The following ARPC5L variants were observed in gnomAD, a reference collection of about 807,000 sequenced individuals.
The protein encoded by ARPC5L is actin related protein 2/3 complex subunit 5 like, also known as actin-related protein 2/3 complex subunit 5-like protein.
In ARPC5L, 4 loss-of-function variants were observed where a neutral mutation model predicts 16.9. That is an observed-to-expected ratio of 0.24 (90% CI 0.12 to 0.54). The LOEUF (loss-of-function observed/expected upper bound fraction) is 0.54, where lower values mean the gene tolerates loss of function less well. ARPC5L is among the 20% of genes least tolerant of loss of function. The probability of loss-of-function intolerance (pLI) is 0.95; values close to 1 mark genes in which losing one functional copy is unlikely to be tolerated. For synonymous variants in ARPC5L, 78 were observed against 82.6 expected (o/e 0.94, Z 0.30); for missense variants, 151 against 201.9 (o/e 0.75, Z 1.53).
chr9:124,877,417 A>G lies in ARPC5L; in HGVS notation c.*477A>G, dbSNP rs929313433. On this transcript the variant is annotated 3_prime_UTR_variant, in exon 6 of 6. Transcript: ENST00000353214. ...AAGCTCTTGGCTTATTAGTCTATAC[A>G]TTGCGGTGTGTTTCGTGTATGTAAA... The G allele has an allele frequency of 6.5e-6, 1 of 154,652 alleles. No homozygotes were observed. The highest frequency in any genetic ancestry group is 2.4e-5 in the African/African-American group (1 of 41,470). The allele number at this position is 154,652 out of a possible 1,614,324, so 9.6% of individuals were successfully genotyped here.
chr9:124,874,885 T>G, intron 4 of ARPC5L, 90 bp from the exon 5 acceptor site: 1 of 1,508,018 alleles, frequency 6.6e-7, no homozygotes, highest in Non-Finnish European at 9.2e-7. Flanking sequence ...GGGCAGTGTT[T>G]CTGGTGATCT....
rs759657821 is a variant in ARPC5L, at chr9:124,875,169, C to T, written c.399+18C>T. On this transcript the variant is annotated intron_variant, in intron 5 of 5. Transcript: ENST00000353214. ...ACGAAAAGGTATGTGAACGCTGCCA[C>T]GCGCCCCAGTGAGCCACCTGGCTTG... 1.3e-5 allele frequency: 21 copies of T among 1,606,930 alleles called. No individual in the cohort carries two copies. Among genetic ancestry groups the T allele is most frequent in the Admixed American group, 6.7e-5 (4 of 59,538 alleles).
intron 3 of ARPC5L, chr9:124,873,179 A>T (rs947409173): frequency 6.5e-6 from 1 of 153,038 alleles, no homozygotes; most frequent in Non-Finnish European, 1.5e-5. Context: ...TTTCCAGGTA[A>T]CAGTTGGGAC....
chr9:124,870,360 A>T (rs950438606), intron 3 of ARPC5L, among the ~76,000 whole-genome samples: 4 of 152,042 alleles, frequency 2.6e-5, no homozygotes, highest in Non-Finnish European at 4.4e-5. Context: ...TTCTCACCGG[A>T]AGGATTTTTC....
intron 1 of ARPC5L, among the ~76,000 whole-genome samples, chr9:124,862,817 C>A (rs1396383941): frequency 6.6e-6 from 1 of 151,994 alleles, no homozygotes; most frequent in Non-Finnish European, 1.5e-5. Context: ...TGAGCCACCA[C>A]GCCTGGCCCC....
rs188194373 is a variant in ARPC5L, at chr9:124,863,200, G to T, written c.-983-788G>T. ...GATGGAGTCTGGCTCTGTCGCCTAGGCTGGAGTGCAGTGGCGCGATCTCGG... is the reference window on the plus strand; with the variant it reads ...GATGGAGTCTGGCTCTGTCGCCTAGTCTGGAGTGCAGTGGCGCGATCTCGG... On this transcript the variant is annotated intron_variant, in intron 1 of 5. Transcript: ENST00000353214. 2.6e-5 allele frequency among the ~76,000 whole-genome samples: 4 copies of T among 152,016 alleles called. No homozygotes were observed. The East Asian group carries it at 7.7e-4, about 29-fold the overall frequency.
intron 3 of ARPC5L, among the ~76,000 whole-genome samples, chr9:124,870,354 C>A (rs1330602748): frequency 6.6e-6 from 1 of 152,190 alleles, no homozygotes; most frequent in Non-Finnish European, 1.5e-5. Flanking sequence ...GACTTATTCT[C>A]ACCGGAAGGA....
intron 5 of ARPC5L, among the ~76,000 whole-genome samples, chr9:124,876,527 G>A (rs1048796498): frequency 2.6e-5 from 4 of 152,134 alleles, no homozygotes; most frequent in Non-Finnish European, 4.4e-5. Context: ...GCACACCTGT[G>A]GTCCCAGCTA....
chr9:124,876,699 G>A (rs1052621635), intron 5 of ARPC5L, among the ~76,000 whole-genome samples, 179 bp from the exon 6 acceptor site: 1 of 152,106 alleles, frequency 6.6e-6, no homozygotes, highest in African/African-American at 2.4e-5. Flanking sequence ...AACAGCTCTC[G>A]GGACCCCACG....
chr9:124,872,265 G>T (rs1211127696), intron 3 of ARPC5L, among the ~76,000 whole-genome samples: 1 of 152,072 alleles, frequency 6.6e-6, no homozygotes, highest in Non-Finnish European at 1.5e-5. Flanking sequence ...CAGCCTATGG[G>T]ATCCTGCTTA....
At chr9:124,874,804 A>G (rs962144087) in intron 4 of ARPC5L, among the ~76,000 whole-genome samples, 171 bp from the exon 5 acceptor site, 11 of 152,212 alleles carry the variant, frequency 7.2e-5, no homozygotes, top group Non-Finnish European at 1.5e-4. Context: ...AATAAAAGAT[A>G]CTTTGAAATT....
At chr9:124,864,279 AG>A (rs1300646434) in intron 2 of ARPC5L, among the ~76,000 whole-genome samples, 172 bp downstream of exon 2, 2 of 146,616 alleles carry the variant, frequency 1.4e-5, no homozygotes, top group Non-Finnish European at 3.0e-5. Context: ...TCCACCTCCC[AG>A]GTTCAAGCGA....
intron 4 of ARPC5L, 39 bp downstream of exon 4, chr9:124,873,803 G>A: frequency 6.2e-7 from 1 of 1,611,210 alleles, no homozygotes; most frequent in Non-Finnish European, 8.5e-7. Context: ...GGTGCTGTTG[G>A]GACCAGGGCT....
chr9:124,876,426 C>T (rs1829436694), intron 5 of ARPC5L, among the ~76,000 whole-genome samples: 1 of 152,048 alleles, frequency 6.6e-6, no homozygotes, highest in Non-Finnish European at 1.5e-5. Flanking sequence ...GGCAGGGTTG[C>T]AGTGAGCCGA....
intron 4 of ARPC5L, among the ~76,000 whole-genome samples, chr9:124,874,058 C>T (rs183645454): frequency 6.6e-6 from 1 of 152,346 alleles, no homozygotes; most frequent in Admixed American, 6.5e-5. Flanking sequence ...ATTCGCTCAC[C>T]TGTGGTGCTT....
rs1271641419 is a variant in ARPC5L at position 124,862,170 on chromosome 9, A to G, written c.-1212A>G. On this transcript the variant is annotated 5_prime_UTR_variant, in exon 1 of 6. Transcript: ENST00000353214. The stretch of plus-strand genomic sequence containing the variant: ...GATAGCGAGGTCGGCGTCACGGTGT[A>G]GGCGCGCAGTTGGGGAAACCGAGGC... 2 of 441,618 alleles carry G rather than the reference A, an allele frequency of 4.5e-6. No individual in the cohort carries two copies. Among genetic ancestry groups the G allele is most frequent in the South Asian group, 4.8e-5 (1 of 20,648 alleles). 27.4% of individuals were successfully genotyped at this position (441,618 alleles called of 1,614,324 possible). A position where few individuals can be genotyped will look rare whatever the true frequency, so the allele number is the denominator to read the frequency against.
In ARPC5L at chr9:124,862,247, CCATT is replaced by C. The variant is rs766836634; in HGVS notation, c.-1132_-1129del. The C allele has an allele frequency of 1.1e-4, 37 of 344,728 alleles. No individual in the cohort carries two copies. Among genetic ancestry groups the C allele is most frequent in the Middle Eastern group, 7.6e-4 (1 of 1,316 alleles). 21.4% of individuals were successfully genotyped at this position (344,728 alleles called of 1,614,324 possible). On this transcript the variant is annotated 5_prime_UTR_variant, in exon 1 of 6. It introduces an in-frame stop codon into an upstream open reading frame of the 5' UTR. Transcript: ENST00000353214. ...TGGCACACGGAGGACTCAAATTCGT[CCATT>C]CAGTCATTCGTTCATTCATTCCTTC...
intron 1 of ARPC5L, among the ~76,000 whole-genome samples, chr9:124,863,109 G>A (rs1394824591): frequency 6.6e-6 from 1 of 151,268 alleles, no homozygotes; most frequent in Non-Finnish European, 1.5e-5. Context: ...GGATTACAGG[G>A]GTTAGCCACC....
intron 3 of ARPC5L, among the ~76,000 whole-genome samples, chr9:124,871,503 G>A (rs530058308): frequency 4.4e-4 from 67 of 152,302 alleles, no homozygotes; most frequent in African/African-American, 1.6e-3. Context: ...TGTGAGGGCC[G>A]TGTAGACAGC....
Sources: gnomAD v4.1 joint callset for allele counts (sites outside exome capture counted in the v4.1 genomes callset) on GRCh38, gnomAD v4.1.1 for gene constraint, MANE v1.5 for transcripts, NCBI Gene and HGNC (gene_info 2026-07-23, HGNC 2026-07-21) for gene names.